The following RNF214 variants were observed in gnomAD, a reference collection of about 807,000 sequenced individuals.
RNF214 encodes the protein ring finger protein 214.
Under a neutral mutation model 75.9 loss-of-function variants are expected in RNF214, and 25 were observed. The observed-to-expected ratio is 0.33, with a 90% CI of 0.24 to 0.46. RNF214 has a LOEUF of 0.46. RNF214 is among the 20% of genes least tolerant of loss of function. The probability of loss-of-function intolerance (pLI) is 1.00; values close to 1 mark genes in which losing one functional copy is unlikely to be tolerated. For synonymous variants in RNF214, 314 were observed against 308.8 expected (o/e 1.02, Z -0.18); for missense variants, 725 against 857.5 (o/e 0.85, Z 1.93).
intron 6 of RNF214, among the ~76,000 whole-genome samples, chr11:117,275,882 T>C (rs1375314697): frequency 1.3e-5 from 2 of 152,114 alleles, no homozygotes; most frequent in East Asian, 3.8e-4. Flanking sequence ...CTCTAACTCA[T>C]TCTACAAAGC....
intron 1 of RNF214, among the ~76,000 whole-genome samples, chr11:117,233,360 G>A (rs183820445): frequency 1.8e-4 from 28 of 152,262 alleles, no homozygotes; most frequent in Middle Eastern, 3.4e-3. Context: ...GGGTCTGTGG[G>A]CTGTGACTGA....
At position 117,281,938 on chromosome 11, in the gene RNF214, T is replaced by C. The variant is rs781387930; in HGVS notation, c.1380T>C (p.Ala460=). Residue 460 remains alanine (A), a synonymous_variant, in exon 11 of 15, where the codon GCT becomes GCC. Coordinates refer to ENST00000300650, the MANE Select transcript of RNF214 (RefSeq NM_207343.4). ...LQVFQPSPSL[A]PRMPFSIGQV... is the part of the protein sequence containing the mutation. The stretch of plus-strand genomic sequence containing the variant: ...TGTTTCAACCCAGTCCCTCTCTGGC[T>C]CCTCGGATGCCCTTCTCCATTGGGC... 1 of 1,614,104 alleles carries C rather than the reference T, an allele frequency of 6.2e-7. No homozygotes were observed. The highest frequency in any genetic ancestry group is 1.6e-4 in the Middle Eastern group (1 of 6,062).
intron 6 of RNF214, among the ~76,000 whole-genome samples, chr11:117,277,891 T>C (rs949326018): frequency 1.3e-5 from 2 of 151,510 alleles, no homozygotes; most frequent in African/African-American, 2.4e-5. Context: ...GGAGAATCAT[T>C]TGAACCTGAG....
At chr11:117,251,488 C>T (rs867900611) in intron 6 of RNF214, among the ~76,000 whole-genome samples, 1 of 72,784 alleles carries the variant, frequency 1.4e-5, no homozygotes, top group African/African-American at 6.3e-5. Context: ...CTGACCCCCC[C>T]ACCTCCCTCC....
At chr11:117,264,105 G>A (rs1368242543) in intron 6 of RNF214, among the ~76,000 whole-genome samples, 2 of 152,122 alleles carry the variant, frequency 1.3e-5, no homozygotes, top group African/African-American at 4.8e-5. Flanking sequence ...GGCGGATCAC[G>A]CGGTCAGGAG....
chr11:117,285,576 C>T lies in RNF214; in HGVS notation c.*425C>T, dbSNP rs551899691. On this transcript the variant is annotated 3_prime_UTR_variant, in exon 15 of 15. Coordinates refer to ENST00000300650, the MANE Select transcript of RNF214 (RefSeq NM_207343.4). ...GCAGATTTAAAGCCTGGTGCTCACCCACTGTCCAACCAGATGCCTTGCTTA... is the reference window on the plus strand; with the variant it reads ...GCAGATTTAAAGCCTGGTGCTCACCTACTGTCCAACCAGATGCCTTGCTTA... 3.2e-5 allele frequency: 5 copies of T among 154,322 alleles called. No homozygotes were observed. In the East Asian group the frequency reaches 9.6e-4, roughly 30 times the overall value. 9.6% of individuals were successfully genotyped at this position (154,322 alleles called of 1,614,324 possible).
intron 6 of RNF214, among the ~76,000 whole-genome samples, chr11:117,254,911 C>T (rs1429532814): frequency 6.6e-6 from 1 of 152,198 alleles, no homozygotes; most frequent in Non-Finnish European, 1.5e-5. Flanking sequence ...TAGGCTTGAG[C>T]CACTGCGCCT....
intron 2 of RNF214, among the ~76,000 whole-genome samples, chr11:117,235,123 A>T (rs1467578264): frequency 2.0e-5 from 3 of 152,266 alleles, no homozygotes; most frequent in Non-Finnish European, 2.9e-5. Flanking sequence ...CAGGTAAAAA[A>T]GTTTGTACAT....
At chr11:117,251,109 C>T (rs1198981234) in intron 6 of RNF214, among the ~76,000 whole-genome samples, 1 of 151,456 alleles carries the variant, frequency 6.6e-6, no homozygotes, top group Non-Finnish European at 1.5e-5. Flanking sequence ...CATCATGGCC[C>T]GTTCTCAACG....
chr11:117,284,797 G>T (rs1030454313), intron 14 of RNF214, among the ~76,000 whole-genome samples: 1 of 152,160 alleles, frequency 6.6e-6, no homozygotes, highest in Non-Finnish European at 1.5e-5. Flanking sequence ...AGGAACGGTG[G>T]TGAACGCCTG....
intron 6 of RNF214, among the ~76,000 whole-genome samples, chr11:117,248,456 C>G (rs1055219485): frequency 6.6e-6 from 1 of 152,146 alleles, no homozygotes; most frequent in African/African-American, 2.4e-5. Context: ...TAAATTCTAC[C>G]AAAATGTTTT....
intron 5 of RNF214, among the ~76,000 whole-genome samples, chr11:117,246,130 A>G (rs147910585): frequency 6.6e-6 from 1 of 152,160 alleles, no homozygotes; most frequent in African/African-American, 2.4e-5. Flanking sequence ...ACACCTGGCT[A>G]ATTTTTTTTA....
In RNF214 at chr11:117,238,954, C is replaced by T; in HGVS notation, c.461C>T (p.Ser154Phe). The T allele has an allele frequency of 6.2e-7, 1 of 1,614,144 alleles. No homozygotes were observed. Among genetic ancestry groups the T allele is most frequent in the Non-Finnish European group, 8.5e-7 (1 of 1,180,022 alleles). Residue 154 changes from serine to phenylalanine, a missense_variant, in exon 3 of 15, where the codon TCC (serine) becomes TTC (phenylalanine). By Grantham distance (155) the Ser-to-Phe change is radical. Coordinates refer to ENST00000300650, the MANE Select transcript of RNF214 (RefSeq NM_207343.4). ...TCCAGGAATTGCTCTGAAGAGAAAT[C>T]CCCACAAACCTCCATCCTAAAGGAA... ...LASRNCSEEKSPQTSILKEGN... is the reference protein window; with the variant it reads ...LASRNCSEEKFPQTSILKEGN...
At chr11:117,251,078 A>G (rs1242732935) in intron 6 of RNF214, among the ~76,000 whole-genome samples, 3 of 150,894 alleles carry the variant, frequency 2.0e-5, no homozygotes, top group East Asian at 3.9e-4. Flanking sequence ...CCCCCTTTCT[A>G]TTCCACAAAA....
intron 6 of RNF214, among the ~76,000 whole-genome samples, chr11:117,254,350 T>C (rs2033470852): frequency 6.6e-6 from 1 of 152,166 alleles, no homozygotes. Context: ...AATGTCCCAC[T>C]CAAGTGTCCT....
At chr11:117,271,873 T>C (rs1488637033) in intron 6 of RNF214, among the ~76,000 whole-genome samples, 1 of 152,152 alleles carries the variant, frequency 6.6e-6, no homozygotes, top group African/African-American at 2.4e-5. Context: ...CAGGCTGTAG[T>C]GTGATGATAG....
At chr11:117,244,063 C>T (rs2033148434) in intron 4 of RNF214, among the ~76,000 whole-genome samples, 2 of 152,166 alleles carry the variant, frequency 1.3e-5, no homozygotes, top group Admixed American at 1.3e-4. Context: ...CTCACTGTAA[C>T]CTCTGCCTCC....
intron 5 of RNF214, among the ~76,000 whole-genome samples, chr11:117,245,185 G>A (rs888663054): frequency 5.3e-5 from 8 of 150,244 alleles, no homozygotes; most frequent in Non-Finnish European, 1.0e-4. Context: ...CGGGCGTGGT[G>A]GTGTGCACCT....
chr11:117,278,513 G>C (rs998484232), intron 6 of RNF214, among the ~76,000 whole-genome samples: 1 of 152,080 alleles, frequency 6.6e-6, no homozygotes, highest in East Asian at 1.9e-4. Flanking sequence ...GGCCTCTATA[G>C]TTCTGAGTAG....
Sources: allele counts gnomAD v4.1 joint callset (sites outside exome capture counted in the v4.1 genomes callset), GRCh38; gene constraint gnomAD v4.1.1; transcripts MANE v1.5; gene names NCBI Gene and HGNC (gene_info 2026-07-23, HGNC 2026-07-21).